VCAN: variants seen among roughly 807,000 people sequenced by gnomAD.
The protein encoded by VCAN is versican.
In VCAN, 44 loss-of-function variants were observed where a neutral mutation model predicts 245.5. The observed-to-expected ratio is 0.18, with a 90% CI of 0.14 to 0.23. The LOEUF (loss-of-function observed/expected upper bound fraction) is 0.23. Ranked by LOEUF, VCAN falls within the 10% of genes least tolerant of loss-of-function variation. The pLI is 1.00. For synonymous variants in VCAN, 1,413 were observed against 1,437.0 expected (o/e 0.98, Z 0.38); for missense variants, 3,793 against 4,057.9 (o/e 0.93, Z 1.77).
intron 2 of VCAN, among the ~76,000 whole-genome samples, chr5:83,489,511 A>G (rs548643919): frequency 1.3e-5 from 2 of 152,310 alleles, no homozygotes; most frequent in East Asian, 3.9e-4. Flanking sequence ...TGGATTTGTT[A>G]TAATTATGAA....
chr5:83,570,275 C>CA (rs1046074893), intron 12 of VCAN, among the ~76,000 whole-genome samples: 6 of 151,272 alleles, frequency 4.0e-5, no homozygotes, highest in Admixed American at 6.6e-5. Context: ...TGTATTTTGA[C>CA]AAAAAAACAA....
Position 83,521,024 on chromosome 5 carries a change from T to A in VCAN, c.2718T>A (p.Val906=), listed in dbSNP as rs758033645. Residue 906 remains valine, a synonymous_variant, in exon 7 of 15, where the codon GTT becomes GTA. Coordinates refer to ENST00000265077, the MANE Select transcript of VCAN (RefSeq NM_004385.5). The stretch of plus-strand genomic sequence containing the variant: ...GAGATTCTACAACTGAAGAAAAAGT[T>A]CCACCTATCACAAGCACTGAAGGCC... The part of the protein sequence containing the change: ...TLRDSTTEEK[V]PPITSTEGQV... The A allele has an allele frequency of 4.3e-6, 7 of 1,613,702 alleles. No individual in the cohort carries two copies. In the South Asian group the frequency reaches 6.6e-5, roughly 15 times the overall value.
rs200643823 is a variant in VCAN, at chr5:83,522,145, T to G, written c.3839T>G (p.Phe1280Cys). The G allele has an allele frequency of 1.9e-6, 3 of 1,612,654 alleles. No individual in the cohort carries two copies. The highest frequency in any genetic ancestry group is 2.5e-6 in the Non-Finnish European group (3 of 1,180,016). The change falls in exon 7 of 15, where the codon TTC becomes TGC. Residue 1280 changes from phenylalanine (F) to cysteine (C), a missense_variant. By Grantham distance (205) the Phe-to-Cys change is radical. Around this residue, in one of 5 missense-constraint regions of VCAN, gnomAD observed 3,182 missense variants for 3,250.3 expected, o/e 0.98. Transcript: ENST00000265077. ...GAAACCGATATTGATAGAGAGTATT[T>G]CACGACTTCAAGTCCTCCTGCTACA... Reference protein sequence around the residue: ...ETETDIDREYFTTSSPPATQP... With the variant: ...ETETDIDREYCTTSSPPATQP...
intron 3 of VCAN, among the ~76,000 whole-genome samples, chr5:83,491,144 T>G (rs1384801186): frequency 6.6e-6 from 1 of 152,182 alleles, no homozygotes; most frequent in Non-Finnish European, 1.5e-5. Flanking sequence ...CACCCTCTTT[T>G]CAGGGGTGGT....
chr5:83,554,894 A>T, intron 11 of VCAN, 62 bp from the exon 12 acceptor site: 1 of 1,466,848 alleles, frequency 6.8e-7, no homozygotes, highest in Non-Finnish European at 9.6e-7. Flanking sequence ...ATTTTCTTTG[A>T]TATATTTTCA....
In VCAN at chr5:83,541,712, T is replaced by C. The variant is rs1747001459; in HGVS notation, c.8709T>C (p.Asp2903=). ...SPDTKLEPSE[D]DGKPELLEEM... The stretch of plus-strand genomic sequence containing the variant: ...ACACAAAATTAGAACCTTCAGAAGA[T>C]GATGGTAAACCTGAGTTATTAGAAG... The change falls in exon 8 of 15, where the codon GAT becomes GAC. Residue 2903 remains aspartate, a synonymous_variant. Coordinates refer to ENST00000265077, the MANE Select transcript of VCAN (RefSeq NM_004385.5). 3 of 1,614,042 alleles carry C rather than the reference T, an allele frequency of 1.9e-6. No individual in the cohort carries two copies. Among genetic ancestry groups the C allele is most frequent in the Non-Finnish European group, 2.5e-6 (3 of 1,179,992 alleles).
At chr5:83,506,457 C>A (rs1440944383) in intron 5 of VCAN, among the ~76,000 whole-genome samples, 10 of 152,170 alleles carry the variant, frequency 6.6e-5, no homozygotes, top group Admixed American at 6.5e-4. Flanking sequence ...CAAGAGTCAC[C>A]TTTCTTCCAG....
At chr5:83,555,159 A>G (rs1245072823) in intron 12 of VCAN, 121 bp downstream of exon 12, 2 of 951,496 alleles carry the variant, frequency 2.1e-6, no homozygotes, top group East Asian at 2.6e-5. Context: ...GCTCAAGGTC[A>G]CTCAGTGAAA....
chr5:83,527,415 A>T (rs575584571), intron 7 of VCAN, among the ~76,000 whole-genome samples: 14 of 152,334 alleles, frequency 9.2e-5, no homozygotes, highest in Admixed American at 1.3e-4. Context: ...TTTTCTGCAG[A>T]TAATTAGAAT....
At chr5:83,529,764 C>T (rs540046691) in intron 7 of VCAN, among the ~76,000 whole-genome samples, 2 of 152,248 alleles carry the variant, frequency 1.3e-5, no homozygotes, top group African/African-American at 4.8e-5. Context: ...ATGCAAGTCA[C>T]TGTGACAGGC....
Position 83,521,420 on chromosome 5 carries a change from A to G in VCAN, c.3114A>G (p.Lys1038=). ...EGTTQEEFPW[K]EQTAEKPVPA... ...CAACTCAGGAAGAATTCCCTTGGAA[A>G]GAACAGACTGCAGAGAAACCAGTTC... Residue 1038 remains lysine, a synonymous_variant, in exon 7 of 15, where the codon AAA becomes AAG. Transcript: ENST00000265077. 1 of 1,614,154 alleles carries G rather than the reference A, an allele frequency of 6.2e-7. No homozygotes were observed. The highest frequency in any genetic ancestry group is 2.2e-5 in the East Asian group (1 of 44,870).
At position 83,527,828 on chromosome 5, in the gene VCAN, A is replaced by G. The variant is rs189915499; in HGVS notation, c.4003+5519A>G. ...TACTTTGATAACTAAAAGGAACTTT[A>G]TTATCCTCTTCCTAAAATAAACCAA... On this transcript the variant is annotated intron_variant, in intron 7 of 14. Transcript: ENST00000265077. Among the ~76,000 whole-genome samples the G allele has an allele frequency of 6.0e-3, 920 of 152,322 alleles. 13 individuals carry two copies. Among genetic ancestry groups the G allele is most frequent in the African/African-American group, 0.021 (873 of 41,560 alleles).
In VCAN at chr5:83,522,126, G is replaced by T; in HGVS notation, c.3820G>T (p.Asp1274Tyr). 6.2e-7 allele frequency: 1 copy of T among 1,613,788 alleles called. No homozygotes were observed. ...TATTGTAGCCAAGGAAACAGAAACC[G>T]ATATTGATAGAGAGTATTTCACGAC... ...EDIVAKETETDIDREYFTTSS... is the reference protein window; with the variant it reads ...EDIVAKETETYIDREYFTTSS... The change falls in exon 7 of 15, where the codon GAT becomes TAT. Residue 1274 changes from aspartate to tyrosine, a missense_variant. By Grantham distance (160) the Asp-to-Tyr change is radical. Coordinates refer to ENST00000265077, the MANE Select transcript of VCAN (RefSeq NM_004385.5).
chr5:83,535,956 G>A (rs1012994568), intron 7 of VCAN: 1 of 152,134 alleles, frequency 6.6e-6, no homozygotes, highest in Non-Finnish European at 1.5e-5. Context: ...CAGCTGCAGT[G>A]GCAGGACCCT....
At chr5:83,572,763 G>A (rs1748331709) in intron 13 of VCAN, among the ~76,000 whole-genome samples, 2 of 151,994 alleles carry the variant, frequency 1.3e-5, no homozygotes, top group Non-Finnish European at 2.9e-5. Context: ...TAGATTTCAG[G>A]TCCTTAAGAT....
chr5:83,524,748 C>T (rs567818099), intron 7 of VCAN, among the ~76,000 whole-genome samples: 1 of 152,176 alleles, frequency 6.6e-6, no homozygotes, highest in South Asian at 2.1e-4. Flanking sequence ...ACATTTTGAG[C>T]TTTGGCAAGG....
intron 13 of VCAN, among the ~76,000 whole-genome samples, chr5:83,572,844 C>T (rs2112499901): frequency 6.6e-6 from 1 of 150,724 alleles, no homozygotes; most frequent in Middle Eastern, 3.5e-3. Flanking sequence ...AGTCCAAAGG[C>T]CAATAGACCT....
At chr5:83,506,166 C>T (rs535933097) in intron 5 of VCAN, among the ~76,000 whole-genome samples, 1 of 152,330 alleles carries the variant, frequency 6.6e-6, no homozygotes, top group South Asian at 2.1e-4. Context: ...ACGTTAGGCT[C>T]CTTGCTACTT....
In VCAN at chr5:83,529,211, A is replaced by T. The variant is rs143449962; in HGVS notation, c.4003+6902A>T. ...GCTTTGTAGGATACATGGAAGAGGC[A>T]GTTATTGTGATAGAAAGAGCCTTTG... On this transcript the variant is annotated intron_variant, in intron 7 of 14. Coordinates refer to ENST00000265077, the MANE Select transcript of VCAN (RefSeq NM_004385.5). Among the ~76,000 whole-genome samples, 1,078 of 152,138 alleles carry T rather than the reference A, an allele frequency of 7.1e-3. 15 individuals carry two copies. Among genetic ancestry groups the T allele is most frequent in the African/African-American group, 0.025 (1,042 of 41,522 alleles).
Sources: allele counts gnomAD v4.1 joint callset (sites outside exome capture counted in the v4.1 genomes callset), GRCh38; gene constraint gnomAD v4.1.1; regional missense constraint gnomAD v4.1.1; transcripts MANE v1.5; gene names NCBI Gene and HGNC (gene_info 2026-07-23, HGNC 2026-07-21).